CNTN4: variants seen among roughly 807,000 people sequenced by gnomAD.
The protein encoded by CNTN4 is contactin-4.
CNTN4 carries 77 observed loss-of-function variants against 122.5 expected under a neutral mutation model. The observed-to-expected ratio is 0.63, with a 90% CI of 0.52 to 0.76. The LOEUF is 0.76. CNTN4 is among the 30% of genes least tolerant of loss of function. The probability of loss-of-function intolerance (pLI) is 0.00; values close to 1 mark genes in which losing one functional copy is unlikely to be tolerated. For synonymous variants in CNTN4, 512 were observed against 447.0 expected (o/e 1.15, Z -1.83); for missense variants, 1,256 against 1,259.1 (o/e 1.00, Z 0.04).
chr3:2,249,030 T>C (rs2040264328), intron 2 of CNTN4, among the ~76,000 whole-genome samples: 1 of 151,930 alleles, frequency 6.6e-6, no homozygotes, highest in African/African-American at 2.4e-5. Flanking sequence ...TTGTCTGAGA[T>C]GAATTACCTT....
intron 10 of CNTN4, among the ~76,000 whole-genome samples, chr3:2,890,455 G>A (rs1315702518): frequency 6.6e-6 from 1 of 152,136 alleles, no homozygotes; most frequent in African/African-American, 2.4e-5. Flanking sequence ...TACAACCTAG[G>A]AATTATAAAC....
intron 2 of CNTN4, among the ~76,000 whole-genome samples, chr3:2,179,411 A>G (rs1324968848): frequency 6.6e-6 from 1 of 152,054 alleles, no homozygotes; most frequent in Admixed American, 6.6e-5. Flanking sequence ...CTTAGATTTC[A>G]TTAATACAAT....
In CNTN4 at chr3:2,328,832, C is replaced by A. The variant is rs140096683; in HGVS notation, c.-144-10346C>A. Among the ~76,000 whole-genome samples the A allele has an allele frequency of 8.6e-3, 1,306 of 152,148 alleles. 4 individuals are homozygous for A. The highest frequency in any genetic ancestry group is 0.014 in the Middle Eastern group (4 of 292). On this transcript the variant is annotated intron_variant, in intron 2 of 24. Transcript: ENST00000418658. ...ATACGACATCACTTTATATAAGGGACCCCAGCATCTGCAGGGGGTTCTGGA... is the reference window on the plus strand; with the variant it reads ...ATACGACATCACTTTATATAAGGGAACCCAGCATCTGCAGGGGGTTCTGGA...
chr3:2,150,856 A>G (rs1012347259), intron 2 of CNTN4, among the ~76,000 whole-genome samples: 6 of 152,096 alleles, frequency 3.9e-5, no homozygotes. Context: ...CTTCAATGCA[A>G]TTACCATTTT....
rs114064812 is a variant in CNTN4 at position 2,830,402 on chromosome 3, G to C, written c.454+10821G>C. Among the ~76,000 whole-genome samples the C allele has an allele frequency of 2.8e-3, 431 of 152,326 alleles. 4 individuals are homozygous for C. Among genetic ancestry groups the C allele is most frequent in the African/African-American group, 9.9e-3 (410 of 41,572 alleles). ...TAGTACCGAAAGGAAATAATGTTTG[G>C]AAAATGAGAATGGATCCATAAGGCT... On this transcript the variant is annotated intron_variant, in intron 7 of 24. Transcript: ENST00000418658.
At chr3:2,270,295 A>G (rs62244977) in intron 2 of CNTN4, among the ~76,000 whole-genome samples, 74,893 of 145,784 alleles carry the variant, frequency 0.51, 21,026 homozygotes, top group South Asian at 0.65. Context: ...AACGACATAT[A>G]TACAGGTTTG....
intron 3 of CNTN4, among the ~76,000 whole-genome samples, chr3:2,489,919 C>G (rs536711268): frequency 6.6e-6 from 1 of 152,192 alleles, no homozygotes; most frequent in South Asian, 2.1e-4. Context: ...ATGTATGTCT[C>G]GTATAAAACA....
chr3:2,509,523 A>G (rs79115447), intron 3 of CNTN4, among the ~76,000 whole-genome samples: 295 of 152,336 alleles, frequency 1.9e-3, no homozygotes, highest in African/African-American at 6.4e-3. Context: ...ACCATTAACT[A>G]TTGGTAATAA....
intron 2 of CNTN4, among the ~76,000 whole-genome samples, chr3:2,214,114 A>C (rs923528325): frequency 3.3e-5 from 5 of 152,084 alleles, no homozygotes; most frequent in African/African-American, 1.2e-4. Flanking sequence ...GGAGGGAATG[A>C]TTTTTTAAAT....
At chr3:2,922,507 T>C (rs1315447882) in intron 12 of CNTN4, among the ~76,000 whole-genome samples, 1 of 152,074 alleles carries the variant, frequency 6.6e-6, no homozygotes, top group Non-Finnish European at 1.5e-5. Flanking sequence ...CAATTTTCCC[T>C]TAAAAGTACC....
At chr3:2,749,964 A>G (rs2090010361) in intron 6 of CNTN4, among the ~76,000 whole-genome samples, 1 of 152,196 alleles carries the variant, frequency 6.6e-6, no homozygotes, top group South Asian at 2.1e-4. Context: ...TGAAGGAAAA[A>G]AAAATGTTGC....
chr3:2,740,063 A>G (rs2089373661), intron 5 of CNTN4, among the ~76,000 whole-genome samples: 1 of 152,088 alleles, frequency 6.6e-6, no homozygotes. Context: ...TTAACTCAAA[A>G]TAGTCAATAT....
chr3:2,310,727 T>C (rs1240268085), intron 2 of CNTN4, among the ~76,000 whole-genome samples: 1 of 152,080 alleles, frequency 6.6e-6, no homozygotes, highest in Non-Finnish European at 1.5e-5. Context: ...ATTACCATGA[T>C]TATCTGTGTA....
intron 2 of CNTN4, among the ~76,000 whole-genome samples, chr3:2,335,987 G>A (rs2043938727): frequency 1.3e-5 from 2 of 152,126 alleles, no homozygotes; most frequent in Admixed American, 1.3e-4. Flanking sequence ...TCAGACTGAA[G>A]AATAAGACAA....
intron 17 of CNTN4, among the ~76,000 whole-genome samples, chr3:3,035,816 A>G (rs545498848): frequency 2.1e-4 from 32 of 152,158 alleles, no homozygotes; most frequent in Non-Finnish European, 3.7e-4. Context: ...CAGCCTCCCA[A>G]ATTGCTGGGA....
chr3:2,298,600 A>G (rs998052976), intron 2 of CNTN4, among the ~76,000 whole-genome samples: 1 of 152,256 alleles, frequency 6.6e-6, no homozygotes. Flanking sequence ...ATGAATTTCC[A>G]TCTTTGGTAC....
At chr3:2,636,413 T>A (rs2082659870) in intron 4 of CNTN4, among the ~76,000 whole-genome samples, 1 of 152,186 alleles carries the variant, frequency 6.6e-6, no homozygotes, top group African/African-American at 2.4e-5. Context: ...GTGTAATCAT[T>A]TTATAGAAGT....
intron 3 of CNTN4, among the ~76,000 whole-genome samples, chr3:2,453,833 G>C (rs2048912051): frequency 6.6e-6 from 1 of 152,148 alleles, no homozygotes; most frequent in African/African-American, 2.4e-5. Flanking sequence ...GTGAATTATA[G>C]TTTGGTTAAT....
intron 3 of CNTN4, among the ~76,000 whole-genome samples, chr3:2,409,242 T>G (rs1226077486): frequency 6.9e-6 from 1 of 144,958 alleles, no homozygotes; most frequent in Non-Finnish European, 1.6e-5. Flanking sequence ...TAGGTATCTT[T>G]TCTTTTCTTT....
Sources: allele counts gnomAD v4.1 joint callset (sites outside exome capture counted in the v4.1 genomes callset), GRCh38; gene constraint gnomAD v4.1.1; transcripts MANE v1.5; gene names NCBI Gene and HGNC (gene_info 2026-07-23, HGNC 2026-07-21).